Variants in CFAP69 observed in about 807,000 individuals in gnomAD.
The protein encoded by CFAP69 is cilia and flagella associated protein 69.
CFAP69 carries 92 observed loss-of-function variants against 123.0 expected under a neutral mutation model. That is an observed-to-expected ratio of 0.75 (90% CI 0.63 to 0.89). The LOEUF is 0.89. Ranked by LOEUF, CFAP69 falls within the 40% of genes least tolerant of loss-of-function variation. CFAP69 has a pLI of 0.00. For synonymous variants in CFAP69, 380 were observed against 364.3 expected (o/e 1.04, Z -0.49); for missense variants, 1,067 against 1,096.9 (o/e 0.97, Z 0.39).
At chr7:90,322,237 C>G in the CFAP69 span, 1 of 152,288 alleles carries the variant, frequency 6.6e-6, no homozygotes, top group Non-Finnish European at 1.5e-5. Flanking sequence ...AGGACCACCT[C>G]CTGCACAAAA....
At chr7:90,276,463 A>G (rs1161582904) in intron 9 of CFAP69, among the ~76,000 whole-genome samples, 2 of 152,338 alleles carry the variant, frequency 1.3e-5, no homozygotes, top group East Asian at 1.9e-4. Flanking sequence ...CTATAAAACT[A>G]CAAGCTCATA....
At chr7:90,274,247 G>C (rs957687319) in intron 9 of CFAP69, 137 bp downstream of exon 9, 1 of 1,042,650 alleles carries the variant, frequency 9.6e-7, no homozygotes, top group Non-Finnish European at 1.4e-6. Context: ...ATGGTCACCA[G>C]TGTGCTTATC....
chr7:90,311,671 T>C (rs1646062121), downstream of CFAP69, among the ~76,000 whole-genome samples: 1 of 152,196 alleles, frequency 6.6e-6, no homozygotes, highest in African/African-American at 2.4e-5. Flanking sequence ...ATCCTGTCTG[T>C]GAAGACAGTA....
intron 1 of CFAP69, among the ~76,000 whole-genome samples, chr7:90,248,728 T>G (rs573624678): frequency 1.4e-4 from 21 of 152,324 alleles, no homozygotes; most frequent in Admixed American, 5.2e-4. Flanking sequence ...CCTACTGTAG[T>G]GATTCCAGCG....
intron 15 of CFAP69, among the ~76,000 whole-genome samples, chr7:90,291,927 A>ATCAC (rs1281877756): frequency 6.6e-6 from 1 of 152,230 alleles, no homozygotes; most frequent in Non-Finnish European, 1.5e-5. Flanking sequence ...GCAGTCAGAG[A>ATCAC]TCACTGGTTG....
chr7:90,299,796 C>G lies in CFAP69; in HGVS notation c.1858-71C>G, dbSNP rs17866529. On this transcript the variant is annotated intron_variant, in intron 16 of 22. Transcript: ENST00000389297. ...TTAATGATAATAGAAGTGTTTCTCT[C>G]TTTTTTTTTTGAAGACAATAATTCT... The G allele has an allele frequency of 1.1e-5, 11 of 1,008,932 alleles. No individual in the cohort carries two copies. The Admixed American group carries it at 3.7e-4, about 34-fold the overall frequency. 62.5% of individuals were successfully genotyped at this position (1,008,932 alleles called of 1,614,324 possible).
At chr7:90,297,974 C>T (rs1792247427) in intron 16 of CFAP69, 144 bp downstream of exon 16, 1 of 539,766 alleles carries the variant, frequency 1.9e-6, no homozygotes, top group Non-Finnish European at 3.2e-6. Context: ...CAAAATTGCT[C>T]CTAGAAATTC....
At chr7:90,275,590 C>CT (rs57578763) in intron 9 of CFAP69, among the ~76,000 whole-genome samples, 29,315 of 61,974 alleles carry the variant, frequency 0.47, 11,842 homozygotes, top group East Asian at 0.59. Flanking sequence ...GGCCAAAAGC[C>CT]TTTTTTTTTT....
intron 14 of CFAP69, among the ~76,000 whole-genome samples, chr7:90,286,885 T>C (rs10226080): frequency 0.9 from 136,442 of 151,924 alleles, 61,549 homozygotes; most frequent in East Asian, 1. Context: ...GTCAGGAGTT[T>C]GAGACCAGCC....
At chr7:90,281,584 G>GT (rs1460800460) in intron 12 of CFAP69, among the ~76,000 whole-genome samples, 1 of 152,010 alleles carries the variant, frequency 6.6e-6, no homozygotes, top group Non-Finnish European at 1.5e-5. Flanking sequence ...TCTTCACTTT[G>GT]TTTTTTCTAA....
intron 4 of CFAP69, among the ~76,000 whole-genome samples, chr7:90,263,984 G>A (rs1458014785): frequency 3.3e-5 from 5 of 150,790 alleles, no homozygotes; most frequent in South Asian, 2.1e-4. Context: ...CCAGCTACTC[G>A]GGAGGCTGAG....
At chr7:90,290,616 A>G (rs557661120) in intron 15 of CFAP69, among the ~76,000 whole-genome samples, 2 of 152,254 alleles carry the variant, frequency 1.3e-5, no homozygotes, top group East Asian at 3.9e-4. Flanking sequence ...ACCTGGGACC[A>G]CCTGAATGGG....
At chr7:90,280,754 TAA>T (rs1789362151) in intron 12 of CFAP69, among the ~76,000 whole-genome samples, 1 of 152,226 alleles carries the variant, frequency 6.6e-6, no homozygotes. Context: ...ATTCCTTTTT[TAA>T]AAAGTTTTAT....
At chr7:90,273,536 T>C (rs1318441297) in intron 8 of CFAP69, among the ~76,000 whole-genome samples, 1 of 152,184 alleles carries the variant, frequency 6.6e-6, no homozygotes, top group African/African-American at 2.4e-5. Context: ...ATTAGAAATA[T>C]GTTCAAATGA....
intron 1 of CFAP69, among the ~76,000 whole-genome samples, chr7:90,250,217 A>AGAGAGAGAGAGAGAGAGAGAGAGG (rs1562832463): frequency 1.3e-5 from 2 of 151,182 alleles, no homozygotes; most frequent in African/African-American, 4.9e-5. Context: ...AGAGAGAGAG[A>AGAGAGAGAGAGAGAGAGAGAGAGG]GAGAGAGAGA....
chr7:90,287,855 G>A (rs1186465163), intron 14 of CFAP69: 1 of 596,474 alleles, frequency 1.7e-6, no homozygotes, highest in Non-Finnish European at 2.1e-6. Flanking sequence ...AGAAAATCTT[G>A]CATGATAGTT....
At chr7:90,296,094 T>C (rs1220077522) in intron 15 of CFAP69, among the ~76,000 whole-genome samples, 2 of 152,150 alleles carry the variant, frequency 1.3e-5, no homozygotes, top group Non-Finnish European at 2.9e-5. Context: ...GCCCAGTAGG[T>C]CTCAGCCTTA....
At chr7:90,266,933 G>A (rs1270966870) in intron 5 of CFAP69, among the ~76,000 whole-genome samples, 5 of 152,090 alleles carry the variant, frequency 3.3e-5, no homozygotes, top group Admixed American at 3.3e-4. Context: ...AAATGGATGG[G>A]GGAAGAAGTT....
downstream of CFAP69, among the ~76,000 whole-genome samples, chr7:90,311,517 T>C (rs181505920): frequency 3.9e-4 from 60 of 152,326 alleles, no homozygotes; most frequent in Admixed American, 6.5e-4. Context: ...AATACATGGT[T>C]GGGAAAACAT....
Sources: allele counts gnomAD v4.1 joint callset (sites outside exome capture counted in the v4.1 genomes callset), GRCh38; gene constraint gnomAD v4.1.1; transcripts MANE v1.5; gene names NCBI Gene and HGNC (gene_info 2026-07-23, HGNC 2026-07-21).